Variants in ESD observed in about 807,000 individuals in gnomAD.
The protein encoded by ESD is esterase D.
In ESD, 34 loss-of-function variants were observed where a neutral mutation model predicts 38.1. The observed-to-expected ratio is 0.89, with a 90% CI of 0.68 to 1.19. The LOEUF is 1.19. Ranked by LOEUF, ESD falls within the 50% of genes most tolerant of loss-of-function variation. ESD has a pLI of 0.00. For synonymous variants in ESD, 97 were observed against 107.0 expected (o/e 0.91, Z 0.58); for missense variants, 334 against 327.2 (o/e 1.02, Z -0.16).
At chr13:46,785,459 C>T (rs935013221) in intron 4 of ESD, among the ~76,000 whole-genome samples, 1 of 151,998 alleles carries the variant, frequency 6.6e-6, no homozygotes, top group East Asian at 1.9e-4. Flanking sequence ...GGGAAAGATA[C>T]AAATCACTAC....
chr13:46,793,269 A>C (rs1875459651), intron 2 of ESD, 128 bp downstream of exon 2: 1 of 152,396 alleles, frequency 6.6e-6, no homozygotes, highest in African/African-American at 2.4e-5. Context: ...TATCTGATAC[A>C]TTATAATAGG....
intron 9 of ESD, among the ~76,000 whole-genome samples, chr13:46,772,882 C>T (rs756693574): frequency 3.9e-5 from 6 of 152,192 alleles, no homozygotes; most frequent in Admixed American, 2.6e-4. Flanking sequence ...GACGGGGTTT[C>T]GCCATGTTAG....
chr13:46,792,220 A>G (rs1875427080), intron 2 of ESD, among the ~76,000 whole-genome samples: 1 of 152,064 alleles, frequency 6.6e-6, no homozygotes, highest in Admixed American at 6.5e-5. Flanking sequence ...TACCTCTCAA[A>G]GAAAGATTCC....
Position 46,777,868 on chromosome 13 carries a change from A to G in ESD, c.601-245T>C, listed in dbSNP as rs1874859909. Among the ~76,000 whole-genome samples, 5 of 151,870 alleles carry G rather than the reference A, an allele frequency of 3.3e-5. No individual in the cohort carries two copies. In the South Asian group the frequency reaches 1.0e-3, roughly 32 times the overall value. ...GTCCTAGACTAGTGGCAAGAATCCC[A>G]TATCTCAGGGATTCTTAAGAAAATG... is the stretch of plus-strand genomic sequence containing the variant. On this transcript the variant is annotated intron_variant, in intron 8 of 9. Coordinates refer to ENST00000378720, the MANE Select transcript of ESD (RefSeq NM_001984.2).
At chr13:46,775,419 T>C (rs534975873) in intron 9 of ESD, 1 of 223,944 alleles carries the variant, frequency 4.5e-6, no homozygotes, top group African/African-American at 2.3e-5. Context: ...TCTCAGATCG[T>C]TTATTTATAT....
intron 8 of ESD, among the ~76,000 whole-genome samples, chr13:46,779,436 T>C (rs1874918921): frequency 1.3e-5 from 2 of 151,606 alleles, no homozygotes; most frequent in Admixed American, 1.3e-4. Context: ...TGAAACGTTT[T>C]GAGTACCCAC....
At chr13:46,775,823 T>C (rs1353856169) in intron 9 of ESD, 1 of 319,814 alleles carries the variant, frequency 3.1e-6, no homozygotes, top group African/African-American at 2.2e-5. Flanking sequence ...GCCAACTATG[T>C]GTTCTAGTTG....
At chr13:46,780,813 C>G (rs1171824303) in intron 7 of ESD, among the ~76,000 whole-genome samples, 1 of 151,628 alleles carries the variant, frequency 6.6e-6, no homozygotes, top group African/African-American at 2.4e-5. Flanking sequence ...CTAAAATAAT[C>G]AAGTTCTTCC....
chr13:46,795,124 A>G (rs1035085202), intron 1 of ESD, among the ~76,000 whole-genome samples: 3 of 152,178 alleles, frequency 2.0e-5, no homozygotes, highest in African/African-American at 7.2e-5. Flanking sequence ...GTCTTGCCTA[A>G]TCTACATTTG....
intron 1 of ESD, among the ~76,000 whole-genome samples, chr13:46,795,523 T>G (rs1360184117): frequency 6.6e-6 from 1 of 152,228 alleles, no homozygotes; most frequent in Non-Finnish European, 1.5e-5. Flanking sequence ...CATCACCCCC[T>G]GGCTGCTGCA....
At chr13:46,795,324 C>T (rs1875535855) in intron 1 of ESD, among the ~76,000 whole-genome samples, 1 of 152,212 alleles carries the variant, frequency 6.6e-6, no homozygotes, top group Admixed American at 6.5e-5. Context: ...CATCTGCAGC[C>T]TAATACGGCC....
In ESD at chr13:46,780,022, T is replaced by C. The variant is rs1345892609; in HGVS notation, c.513A>G (p.Ala171=). ...KNPGKYKSVS[A]FAPICNPVLC... ...GTACAGGGTTGCAAATTGGAGCAAA[T>C]GCTGACACAGACTTCAGAAACAAAA... The change falls in exon 8 of 10, where the codon GCA becomes GCG. Residue 171 remains alanine, a synonymous_variant. Transcript: ENST00000378720. 3.1e-6 allele frequency: 5 copies of C among 1,592,614 alleles called. No homozygotes were observed. The highest frequency in any genetic ancestry group is 3.5e-5 in the Admixed American group (2 of 57,516).
In ESD at chr13:46,781,596, G is replaced by A. The variant is rs761069005; in HGVS notation, c.401C>T (p.Ala134Val). The change falls in exon 7 of 10, where the codon GCC becomes GTC. Residue 134 changes from alanine (A) to valine (V), a missense_variant. Ala to Val is a moderately conservative substitution (Grantham distance 64, BLOSUM62 0). Transcript: ENST00000378720. ...CCTTTGGGGATCCACTGGAAAATTG[G>A]CATTTATGAGTTGGGGAAGCTAGAA... ...VTEELPQLIN[A>V]NFPVDPQRMS... 6 of 1,607,988 alleles carry A rather than the reference G, an allele frequency of 3.7e-6. No individual in the cohort carries two copies. The South Asian group carries it at 4.4e-5, about 12-fold the overall frequency.
rs201758721 is a variant in ESD, at chr13:46,782,736, T to C, written c.312A>G (p.Gly104=). The C allele has an allele frequency of 1.2e-6, 2 of 1,612,408 alleles. No individual in the cohort carries two copies. Among genetic ancestry groups the C allele is most frequent in the Admixed American group, 3.3e-5 (2 of 59,850 alleles). The change falls in exon 6 of 10, where the codon GGA becomes GGG. Residue 104 remains glycine, a synonymous_variant. Coordinates refer to ENST00000378720, the MANE Select transcript of ESD (RefSeq NM_001984.2). ...DESWDFGTGA[G]FYVDATEDPW... ...GATCTTCAGTGGCATCAACATAAAA[T>C]CCAGCACCAGTGCCAAAGTCCCAGC...
chr13:46,772,396 A>T (rs4942575), intron 9 of ESD, among the ~76,000 whole-genome samples: 69,154 of 152,002 alleles, frequency 0.45, 16,015 homozygotes, highest in Middle Eastern at 0.49. Flanking sequence ...TCCAAAAAAA[A>T]AATAATTACA....
chr13:46,784,541 T>C (rs113496103), intron 4 of ESD, among the ~76,000 whole-genome samples, 191 bp from the exon 5 acceptor site: 8 of 152,072 alleles, frequency 5.3e-5, no homozygotes, highest in African/African-American at 1.9e-4. Flanking sequence ...AATACGCTCA[T>C]ATAACAAACC....
intron 8 of ESD, 58 bp downstream of exon 8, chr13:46,779,877 C>G (rs1183175241): frequency 1.5e-6 from 2 of 1,368,478 alleles, no homozygotes; most frequent in Non-Finnish European, 2.0e-6. Flanking sequence ...ATATGTCCAA[C>G]CTTTTAAACA....
At chr13:46,771,896 G>C (rs1452782083) in intron 9 of ESD, among the ~76,000 whole-genome samples, 2 of 152,064 alleles carry the variant, frequency 1.3e-5, no homozygotes, top group African/African-American at 4.8e-5. Flanking sequence ...GACAGTGTCA[G>C]TTGATATGAC....
chr13:46,791,585 A>C (rs1875404401), intron 2 of ESD, among the ~76,000 whole-genome samples, 165 bp from the exon 3 acceptor site: 1 of 152,082 alleles, frequency 6.6e-6, no homozygotes, highest in Non-Finnish European at 1.5e-5. Flanking sequence ...AAACTGATTA[A>C]CGCTCATACA....
Sources: allele counts gnomAD v4.1 joint callset (sites outside exome capture counted in the v4.1 genomes callset), GRCh38; gene constraint gnomAD v4.1.1; transcripts MANE v1.5; gene names NCBI Gene and HGNC (gene_info 2026-07-23, HGNC 2026-07-21).